The following CCDC33 variants were observed in gnomAD, a reference collection of about 807,000 sequenced individuals.
The protein encoded by CCDC33 is coiled-coil domain-containing protein 33.
A neutral mutation model predicts 91.9 loss-of-function variants in CCDC33; 94 were observed. The observed-to-expected ratio is 1.02, with a 90% CI of 0.87 to 1.21. The LOEUF (loss-of-function observed/expected upper bound fraction) is 1.21. CCDC33 is among the 50% of genes most tolerant of loss of function. The pLI is 0.00. For missense variants in CCDC33, 940 were observed against 935.5 expected (o/e 1.00, Z -0.06); for synonymous variants, 396 against 374.5 (o/e 1.06, Z -0.66).
upstream of CCDC33, among the ~76,000 whole-genome samples, chr15:74,214,955 TC>T (rs1355491769): frequency 1.3e-5 from 2 of 152,224 alleles, no homozygotes; most frequent in Non-Finnish European, 2.9e-5. Context: ...CAGGCACCTA[TC>T]CCTCGCCCAG....
chr15:74,249,944 C>T (rs943154110), intron 2 of CCDC33, among the ~76,000 whole-genome samples: 4 of 152,204 alleles, frequency 2.6e-5, no homozygotes, highest in Non-Finnish European at 4.4e-5. Flanking sequence ...GGCCACATCT[C>T]TTGATCTCGT....
chr15:74,239,582 C>T (rs1046896183), intron 1 of CCDC33, among the ~76,000 whole-genome samples: 2 of 152,332 alleles, frequency 1.3e-5, no homozygotes, highest in Non-Finnish European at 1.5e-5. Flanking sequence ...AGGCTTGCTT[C>T]GGTGCTCACA....
chr15:74,271,143 A>T (rs918942807), intron 5 of CCDC33, among the ~76,000 whole-genome samples: 2 of 152,114 alleles, frequency 1.3e-5, no homozygotes, highest in Admixed American at 6.5e-5. Flanking sequence ...GGCACGAGGG[A>T]GGCAAGGGGA....
At chr15:74,272,923 T>C in intron 7 of CCDC33, 32 bp downstream of exon 7, 2 of 1,613,250 alleles carry the variant, frequency 1.2e-6, no homozygotes, top group South Asian at 1.1e-5. Context: ...TCCAGCTTCC[T>C]GTAACTACCC....
intron 17 of CCDC33, among the ~76,000 whole-genome samples, chr15:74,334,459 G>T (rs1417109194): frequency 6.6e-6 from 1 of 151,932 alleles, no homozygotes; most frequent in Non-Finnish European, 1.5e-5. Context: ...ACCAGGGTCA[G>T]GGTTCAGTGT....
chr15:74,207,662 C>A (rs1165907922), intron 1 of CCDC33: 2 of 1,520,700 alleles, frequency 1.3e-6, no homozygotes, highest in South Asian at 1.2e-5. Flanking sequence ...GCAAGAGAGG[C>A]GTTCCAGGAG....
chr15:74,335,340 AAGG>A (rs1047756236), intron 18 of CCDC33: 16 of 601,976 alleles, frequency 2.7e-5, no homozygotes, highest in Middle Eastern at 4.4e-4. Context: ...TGTGAAACTC[AAGG>A]AGATGACTGT....
intron 7 of CCDC33, among the ~76,000 whole-genome samples, chr15:74,276,187 A>G (rs1271483952): frequency 6.6e-6 from 1 of 152,192 alleles, no homozygotes; most frequent in Non-Finnish European, 1.5e-5. Context: ...TCTGCTGGTG[A>G]TGAGGCAAGG....
chr15:74,247,409 A>G (rs986105932), intron 2 of CCDC33, among the ~76,000 whole-genome samples: 1 of 152,204 alleles, frequency 6.6e-6, no homozygotes, highest in Non-Finnish European at 1.5e-5. Context: ...TCATATACAT[A>G]TATTTGTATA....
In CCDC33 at chr15:74,218,821, T is replaced by C; in HGVS notation, c.635T>C (p.Leu212Pro). The change falls in exon 2 of 3, where the codon CTG becomes CCG. Residue 212 changes from leucine (L) to proline (P), a missense_variant. Coordinates refer to the CCDC33 transcript ENST00000635913. The surrounding 1 kb of genome is among the most constrained non-coding windows in gnomAD (Gnocchi z 4.8). ...CCTCCCAGGGCTGGCCAGCCAGAAC[T>C]GATGTCACCATGCCCAGAGCCCCAG... 1 of 1,272,680 alleles carries C rather than the reference T, an allele frequency of 7.9e-7. No homozygotes were observed. The allele number at this position is 1,272,680 out of a possible 1,614,324, so 78.8% of individuals were successfully genotyped here. A position where few individuals can be genotyped will look rare whatever the true frequency, so the allele number is the denominator to read the frequency against.
At chr15:74,217,193 A>T, upstream of CCDC33, 2 of 1,089,100 alleles carry the variant, frequency 1.8e-6, no homozygotes, top group Non-Finnish European at 2.3e-6. Flanking sequence ...CCCAGCCTGC[A>T]GGCTTTCAGA....
upstream of CCDC33, among the ~76,000 whole-genome samples, chr15:74,214,102 G>A (rs960073198): frequency 6.6e-6 from 1 of 151,874 alleles, no homozygotes; most frequent in African/African-American, 2.4e-5. Flanking sequence ...GAAGATAGGG[G>A]TCTCAGAGCC....
chr15:74,204,644 GC>G (rs966460475), intron 1 of CCDC33, among the ~76,000 whole-genome samples: 14 of 152,180 alleles, frequency 9.2e-5, no homozygotes, highest in African/African-American at 3.4e-4. Context: ...CAGAAACCAT[GC>G]CCTTTGGCCA....
At chr15:74,308,320 C>T (rs559221968) in intron 11 of CCDC33, among the ~76,000 whole-genome samples, 5 of 149,706 alleles carry the variant, frequency 3.3e-5, no homozygotes, top group East Asian at 2.0e-4. Context: ...TCCTGACACA[C>T]GGACTAGAAA....
At chr15:74,243,522 G>A (rs2075413684) in intron 1 of CCDC33, among the ~76,000 whole-genome samples, 1 of 152,214 alleles carries the variant, frequency 6.6e-6, no homozygotes, top group East Asian at 1.9e-4. Flanking sequence ...GTGGGATGGG[G>A]ACAGAAGTAG....
At chr15:74,209,274 C>A in intron 1 of CCDC33, 1 of 1,277,360 alleles carries the variant, frequency 7.8e-7, no homozygotes, top group Non-Finnish European at 1.1e-6. Flanking sequence ...CTCAGAGTCA[C>A]CTCAGTGGAG....
exon 2 of CCDC33, chr15:74,209,416 G>C: frequency 3.9e-6 from 6 of 1,535,636 alleles, no homozygotes; most frequent in Non-Finnish European, 5.2e-6. Context: ...ATTGCCAGAG[G>C]GGAACCACCA....
chr15:74,217,297 G>A lies in CCDC33; in HGVS notation c.26G>A (p.Trp9Ter). ...ATGGCATTCAGGGGGCCTGAACCCT[G>A]GGTCTCTGCATCCCTGCTGAGACAG... is the stretch of plus-strand genomic sequence containing the variant. Residue 9 changes from tryptophan (W) to a stop codon, truncating the protein, a stop_gained, in exon 1 of 3, where the codon TGG becomes TAG. Coordinates refer to the CCDC33 transcript ENST00000635913. LOFTEE classifies it high-confidence loss of function. 1 of 1,283,714 alleles carries A rather than the reference G, an allele frequency of 7.8e-7. No individual in the cohort carries two copies. Among genetic ancestry groups the A allele is most frequent in the South Asian group, 1.3e-5 (1 of 79,430 alleles). The allele number at this position is 1,283,714 out of a possible 1,614,324, so 79.5% of individuals were successfully genotyped here.
At chr15:74,298,261 A>ATGATGATGATGGTGGTGGTGATGATGG (rs1269624630) in intron 11 of CCDC33, among the ~76,000 whole-genome samples, 60 of 152,178 alleles carry the variant, frequency 3.9e-4, no homozygotes, top group African/African-American at 1.4e-3. Flanking sequence ...AAACTTGATG[A>ATGATGATGATGGTGGTGGTGATGATGG]TGATGATGAT....
Sources: gnomAD v4.1 joint callset for allele counts (sites outside exome capture counted in the v4.1 genomes callset) on GRCh38, gnomAD v4.1.1 for gene constraint, Gnocchi (gnomAD v3.1) non-coding constraint, MANE v1.5 for transcripts, NCBI Gene and HGNC (gene_info 2026-07-23, HGNC 2026-07-21) for gene names.